BOLL: variants seen among roughly 807,000 people sequenced by gnomAD.
BOLL encodes boule RNA binding protein.
Under a neutral mutation model 44.4 loss-of-function variants are expected in BOLL, and 23 were observed. The ratio of observed to expected loss-of-function variants is 0.52; its 90% confidence interval spans 0.37 to 0.73. The LOEUF is 0.73. BOLL is among the 30% of genes least tolerant of loss of function. The probability of loss-of-function intolerance (pLI) is 0.00; values close to 1 mark genes in which losing one functional copy is unlikely to be tolerated. For missense variants in BOLL, 287 were observed against 338.3 expected, an observed-to-expected ratio of 0.85 and a Z score of 1.19; for synonymous variants, 97 against 110.8, an observed-to-expected ratio of 0.88 and a Z score of 0.78.
At chr2:197,731,551 C>A in intron 10 of BOLL, among the ~76,000 whole-genome samples, 1 of 82,706 alleles carries the variant, frequency 1.2e-5, no homozygotes. Flanking sequence ...CAAAATTGAC[C>A]ACATAGTTGG....
chr2:197,770,926 G>A (rs202120236), intron 6 of BOLL, among the ~76,000 whole-genome samples: 1 of 152,126 alleles, frequency 6.6e-6, no homozygotes, highest in Non-Finnish European at 1.5e-5. Flanking sequence ...CAACCATTGT[G>A]GAAGTCAGTG....
intron 9 of BOLL, among the ~76,000 whole-genome samples, chr2:197,755,393 G>A (rs765880359): frequency 6.6e-6 from 1 of 152,042 alleles, no homozygotes; most frequent in Non-Finnish European, 1.5e-5. Flanking sequence ...CCCATTACTG[G>A]GTATATACCC....
At chr2:197,783,182 T>C (rs781696356) in intron 1 of BOLL, among the ~76,000 whole-genome samples, 3 of 152,090 alleles carry the variant, frequency 2.0e-5, no homozygotes, top group Non-Finnish European at 4.4e-5. Context: ...AAACTGGGTG[T>C]TGTGGCTTGT....
intron 9 of BOLL, among the ~76,000 whole-genome samples, chr2:197,755,435 T>C (rs576169191): frequency 7.2e-5 from 11 of 152,176 alleles, no homozygotes; most frequent in Non-Finnish European, 1.6e-4. Flanking sequence ...TATAAAGATA[T>C]ATGCATGTGT....
At position 197,756,624 on chromosome 2, in the gene BOLL, C is replaced by G. The variant is rs549820868; in HGVS notation, c.601-68G>C. Reference sequence around the variant, plus strand: ...ATTTCTGTTAAACCAAATGACTTAGCCAACAGATGAGAGAAGTACTTGTTT... The same window carrying G: ...ATTTCTGTTAAACCAAATGACTTAGGCAACAGATGAGAGAAGTACTTGTTT... On this transcript the variant is annotated intron_variant, in intron 8 of 10. Transcript: ENST00000392296. The G allele has an allele frequency of 1.1e-4, 159 of 1,406,912 alleles. No homozygotes were observed. In the African/African-American group the frequency reaches 1.7e-3, roughly 15 times the overall value. The allele number at this position is 1,406,912 out of a possible 1,614,324, so 87.2% of individuals were successfully genotyped here. A position where few individuals can be genotyped will look rare whatever the true frequency, so the allele number is the denominator to read the frequency against.
chr2:197,737,372 A>G (rs560346223), intron 10 of BOLL, among the ~76,000 whole-genome samples: 19 of 152,148 alleles, frequency 1.2e-4, no homozygotes, highest in Admixed American at 2.6e-4. Flanking sequence ...CCTTACATCA[A>G]AAAGGAGTCT....
intron 1 of BOLL, among the ~76,000 whole-genome samples, chr2:197,783,541 G>A (rs2106398283): frequency 6.6e-6 from 1 of 152,272 alleles, no homozygotes; most frequent in East Asian, 1.9e-4. Context: ...TCCCCATCCA[G>A]CCTTAAGGAA....
At chr2:197,754,903 T>A (rs551224663) in intron 9 of BOLL, among the ~76,000 whole-genome samples, 45 of 152,108 alleles carry the variant, frequency 3.0e-4, no homozygotes, top group Admixed American at 2.9e-3. Flanking sequence ...CAAATGGGAT[T>A]TAATTAACTA....
chr2:197,747,986 C>T (rs959425569), intron 9 of BOLL, among the ~76,000 whole-genome samples: 6 of 152,118 alleles, frequency 3.9e-5, no homozygotes, highest in East Asian at 3.9e-4. Context: ...AGCTCTGGTC[C>T]GCAGCTTCCA....
chr2:197,757,333 T>C lies in BOLL; in HGVS notation c.600+20A>G. 1 of 1,588,842 alleles carries C rather than the reference T, an allele frequency of 6.3e-7. No individual in the cohort carries two copies. Among genetic ancestry groups the C allele is most frequent in the Non-Finnish European group, 8.6e-7 (1 of 1,161,842 alleles). ...AATGAAAGAAGGATTTAAAATTATA[T>C]ATTGAAAGTTAACATTTACCTGAGG... On this transcript the variant is annotated intron_variant, in intron 8 of 10. Coordinates refer to ENST00000392296, the MANE Select transcript of BOLL (RefSeq NM_033030.6).
At chr2:197,729,621 C>T (rs1250011247) in intron 10 of BOLL, among the ~76,000 whole-genome samples, 37 of 152,290 alleles carry the variant, frequency 2.4e-4, no homozygotes, top group Non-Finnish European at 3.5e-4. Context: ...GATCTGAGAA[C>T]GGGCAGACTG....
At chr2:197,740,696 A>G (rs1687688102) in intron 10 of BOLL, among the ~76,000 whole-genome samples, 1 of 152,196 alleles carries the variant, frequency 6.6e-6, no homozygotes, top group Non-Finnish European at 1.5e-5. Flanking sequence ...TCATATAGAT[A>G]GAAAGTAAAT....
chr2:197,769,300 T>C (rs1313909696), intron 6 of BOLL, among the ~76,000 whole-genome samples: 3 of 152,188 alleles, frequency 2.0e-5, no homozygotes, highest in Non-Finnish European at 4.4e-5. Context: ...CTGGAATTTT[T>C]TTATTTGGTA....
At chr2:197,755,201 C>T (rs956739808) in intron 9 of BOLL, among the ~76,000 whole-genome samples, 2 of 152,218 alleles carry the variant, frequency 1.3e-5, no homozygotes, top group South Asian at 4.1e-4. Flanking sequence ...GATACCATCT[C>T]ACACCAGTCA....
chr2:197,732,102 A>G (rs1447507232), intron 10 of BOLL, among the ~76,000 whole-genome samples: 27 of 151,660 alleles, frequency 1.8e-4, no homozygotes, highest in Non-Finnish European at 4.4e-5. Context: ...AATCAAATAG[A>G]CGCAATAAAA....
intron 7 of BOLL, among the ~76,000 whole-genome samples, chr2:197,766,074 A>AT (rs1202931722): frequency 6.6e-6 from 1 of 151,946 alleles, no homozygotes; most frequent in Non-Finnish European, 1.5e-5. Context: ...TATGTACCAC[A>AT]TTTTCTTTAT....
chr2:197,744,794 TA>T (rs1168979187), intron 9 of BOLL, among the ~76,000 whole-genome samples: 1 of 152,138 alleles, frequency 6.6e-6, no homozygotes, highest in Non-Finnish European at 1.5e-5. Flanking sequence ...ATTTTACAAA[TA>T]AGGAGATTAT....
chr2:197,781,709 C>A lies in BOLL; in HGVS notation c.129+13G>T. The A allele has an allele frequency of 6.6e-7, 1 of 1,516,672 alleles. No individual in the cohort carries two copies. Among genetic ancestry groups the A allele is most frequent in the Non-Finnish European group, 8.9e-7 (1 of 1,117,812 alleles). The allele number at this position is 1,516,672 out of a possible 1,614,324, so 94.0% of individuals were successfully genotyped here. On this transcript the variant is annotated intron_variant, in intron 2 of 10. Transcript: ENST00000392296. ...ATGAAAAAATACACTTTACTGCATGCATAAATAGGTACCTTAAAATCAATT... is the reference window on the plus strand; with the variant it reads ...ATGAAAAAATACACTTTACTGCATGAATAAATAGGTACCTTAAAATCAATT...
chr2:197,781,584 A>T, intron 2 of BOLL, 138 bp downstream of exon 2: 1 of 904,000 alleles, frequency 1.1e-6, no homozygotes, highest in South Asian at 3.1e-5. Flanking sequence ...GGTTGAAAAG[A>T]TTCTTTATAA....
Sources: allele counts gnomAD v4.1 joint callset (sites outside exome capture counted in the v4.1 genomes callset), GRCh38; gene constraint gnomAD v4.1.1; transcripts MANE v1.5; gene names NCBI Gene and HGNC (gene_info 2026-07-23, HGNC 2026-07-21).